Variants in CIROP observed in about 807,000 individuals in gnomAD.
The protein encoded by CIROP is ciliated left-right organizer metallopeptidase.
At chr14:23,099,129 C>A in the CIROP span, 18 of 410,068 alleles carry the variant, frequency 4.4e-5, no homozygotes, top group East Asian at 4.7e-4. Flanking sequence ...TAAAACTTCA[C>A]CCTTTTTTCA....
chr14:23,101,728 T>G, the CIROP span: 1 of 702,950 alleles, frequency 1.4e-6, no homozygotes, highest in Non-Finnish European at 2.6e-6. Flanking sequence ...GAGGAGCAGC[T>G]TCCCTTGTCC....
the CIROP span, chr14:23,104,408 G>A: frequency 1.4e-6 from 1 of 703,002 alleles, no homozygotes; most frequent in East Asian, 2.7e-5. Context: ...GGCTATCTGG[G>A]TCTCCCCAGA....
chr14:23,102,336 A>G, the CIROP span: 1 of 701,958 alleles, frequency 1.4e-6, no homozygotes, highest in Non-Finnish European at 2.6e-6. Flanking sequence ...AGGTGTTCTC[A>G]TTCTCACCTC....
chr14:23,101,485 C>T, the CIROP span: 10 of 608,530 alleles, frequency 1.6e-5, no homozygotes, highest in South Asian at 3.8e-5. Flanking sequence ...AAAGAAGCAA[C>T]GGCTCTGGGG....
the CIROP span, chr14:23,100,942 A>C: frequency 2.5e-6 from 1 of 398,972 alleles, no homozygotes; most frequent in Non-Finnish European, 4.4e-6. Context: ...CTGGAGGCCC[A>C]GCTAATTCTA....
At chr14:23,101,319 G>T in the CIROP span, 2 of 513,514 alleles carry the variant, frequency 3.9e-6, no homozygotes, top group South Asian at 7.0e-5. Context: ...GAAGGCATGG[G>T]ACCCAAGGCG....
the CIROP span, chr14:23,104,886 G>GGCAGCAGCAGCA: frequency 6.6e-6 from 3 of 453,840 alleles, no homozygotes; most frequent in African/African-American, 4.4e-5. Context: ...GACTAGTGGC[G>GGCAGCAGCAGCA]GCAGCAGCAG....
chr14:23,100,311 T>G, the CIROP span: 1 of 400,532 alleles, frequency 2.5e-6, no homozygotes, highest in African/African-American at 2.1e-5. Context: ...GTCCTAGAGA[T>G]GGGGGAATGT....
At chr14:23,104,947 C>G in the CIROP span, 2 of 665,718 alleles carry the variant, frequency 3.0e-6, no homozygotes, top group African/African-American at 1.8e-5. Flanking sequence ...TCCGTAGATA[C>G]AGCCTGGATC....
the CIROP span, chr14:23,100,846 T>C: frequency 0.032 from 12,611 of 398,996 alleles, 418 homozygotes; most frequent in East Asian, 0.14. Flanking sequence ...ACTCAAGCTT[T>C]TACCTGCCAG....
the CIROP span, chr14:23,101,356 C>G: frequency 1.8e-6 from 1 of 544,474 alleles, no homozygotes; most frequent in Non-Finnish European, 3.2e-6. Flanking sequence ...CTTGTAAGCT[C>G]CCCTCCCTGT....
At chr14:23,103,222 C>T in the CIROP span, 1 of 417,906 alleles carries the variant, frequency 2.4e-6, no homozygotes, top group Non-Finnish European at 4.2e-6. Flanking sequence ...TACTAGCATT[C>T]CCTAAGTTAT....
chr14:23,101,027 G>A, the CIROP span: 2 of 399,302 alleles, frequency 5.0e-6, no homozygotes, highest in African/African-American at 4.1e-5. Context: ...ATCTTCATTA[G>A]TCTGACACAG....
the CIROP span, chr14:23,100,898 A>T: frequency 7.5e-6 from 3 of 399,042 alleles, no homozygotes; most frequent in Non-Finnish European, 1.3e-5. Flanking sequence ...TGCTTCAGCT[A>T]GCCCTTCTTG....
chr14:23,101,507 CCCCAT>C, the CIROP span: 4 of 634,122 alleles, frequency 6.3e-6, no homozygotes, highest in East Asian at 5.5e-5. Context: ...TGGTAGATCT[CCCCAT>C]GGGGATTATC....
At chr14:23,101,427 A>G in the CIROP span, 1 of 594,598 alleles carries the variant, frequency 1.7e-6, no homozygotes, top group Non-Finnish European at 3.0e-6. Context: ...GGGTAAGAGA[A>G]GGATGCCTGG....
chr14:23,104,856 C>T, the CIROP span: 23 of 700,742 alleles, frequency 3.3e-5, no homozygotes, highest in South Asian at 2.5e-4. Context: ...ATGTAGACAT[C>T]GGCTTGCAGC....
At chr14:23,104,238 C>G in the CIROP span, 2 of 653,518 alleles carry the variant, frequency 3.1e-6, no homozygotes, top group African/African-American at 1.8e-5. Context: ...TTGACTCAAT[C>G]TCACCTTTGC....
chr14:23,104,198 C>A, the CIROP span: 6 of 614,692 alleles, frequency 9.8e-6, no homozygotes, highest in Non-Finnish European at 1.5e-5. Flanking sequence ...ATCCCCCCAC[C>A]ACCCTTATTT....
Sources: gnomAD v4.1 joint callset for allele counts on GRCh38, gnomAD v4.1.1 for gene constraint, MANE v1.5 for transcripts, NCBI Gene and HGNC (gene_info 2026-07-23, HGNC 2026-07-21) for gene names.